Variants in PTPRD observed in about 807,000 individuals in gnomAD.
PTPRD encodes the protein protein tyrosine phosphatase receptor type D.
PTPRD carries 34 observed loss-of-function variants against 214.5 expected under a neutral mutation model. That is an observed-to-expected ratio of 0.16 (90% confidence interval 0.12 to 0.21). PTPRD has a LOEUF of 0.21. Ranked by LOEUF, PTPRD falls within the 10% of genes least tolerant of loss-of-function variation. The pLI, the probability that PTPRD is intolerant of heterozygous loss-of-function variation, is 1.00. For synonymous variants in PTPRD, 1,128 were observed against 845.7 expected, an observed-to-expected ratio of 1.33 and a Z score of -5.79; for missense variants, 2,545 against 2,398.7, an observed-to-expected ratio of 1.06 and a Z score of -1.27.
chr9:9,556,494 A>G (rs1373396656), intron 8 of PTPRD, among the ~76,000 whole-genome samples: 1 of 152,228 alleles, frequency 6.6e-6, no homozygotes, highest in Non-Finnish European at 1.5e-5. Context: ...AGTCATAAAT[A>G]GATTGTAAAT....
chr9:9,127,827 T>C (rs2099836438), intron 10 of PTPRD, among the ~76,000 whole-genome samples: 1 of 152,184 alleles, frequency 6.6e-6, no homozygotes, highest in Non-Finnish European at 1.5e-5. Context: ...AGGTGATGCC[T>C]ACAGACAGGA....
chr9:9,878,173 T>C (rs973012509), intron 5 of PTPRD, among the ~76,000 whole-genome samples: 1 of 152,090 alleles, frequency 6.6e-6, no homozygotes, highest in Admixed American at 6.6e-5. Flanking sequence ...CTTAATTTTA[T>C]TGAAATATAC....
At position 8,983,189 on chromosome 9, in the gene PTPRD, C is replaced by T. The variant is rs530397091; in HGVS notation, c.-104+35508G>A. Among the ~76,000 whole-genome samples, 7 of 151,896 alleles carry T rather than the reference C, an allele frequency of 4.6e-5. No individual in the cohort carries two copies. In the South Asian group the frequency reaches 1.5e-3, roughly 32 times the overall value. ...TGTGATTAGCAATAATTAGAATGGC[C>T]AAAATTAACCTACCTGGATGTGAAT... is the stretch of plus-strand genomic sequence containing the variant. On this transcript the variant is annotated intron_variant, in intron 11 of 45. Transcript: ENST00000381196.
At chr9:10,152,941 C>T (rs1173876544) in intron 3 of PTPRD, among the ~76,000 whole-genome samples, 1 of 152,064 alleles carries the variant, frequency 6.6e-6, no homozygotes, top group East Asian at 1.9e-4. Context: ...ACTACATGAG[C>T]TCACATATCT....
At chr9:9,426,015 C>G (rs1352444075) in intron 8 of PTPRD, among the ~76,000 whole-genome samples, 1 of 152,048 alleles carries the variant, frequency 6.6e-6, no homozygotes, top group Non-Finnish European at 1.5e-5. Context: ...GCATTTCCAA[C>G]TGAGGTACCA....
At chr9:9,687,928 G>C (rs2097194531) in intron 7 of PTPRD, among the ~76,000 whole-genome samples, 2 of 151,820 alleles carry the variant, frequency 1.3e-5, no homozygotes, top group Non-Finnish European at 2.9e-5. Context: ...AGAACCTGGT[G>C]GGAGGTGATT....
chr9:9,097,354 C>T (rs963158941), intron 10 of PTPRD, among the ~76,000 whole-genome samples: 3 of 151,258 alleles, frequency 2.0e-5, no homozygotes, highest in Non-Finnish European at 2.9e-5. Flanking sequence ...AAGCTAAGGA[C>T]TGGAGGAAGG....
intron 5 of PTPRD, among the ~76,000 whole-genome samples, chr9:9,935,496 A>T (rs1354297476): frequency 6.6e-6 from 1 of 151,934 alleles, no homozygotes. Flanking sequence ...AGAGAATAAA[A>T]TACCTAGGAA....
chr9:10,288,579 C>T lies in PTPRD; in HGVS notation c.-545+52384G>A, dbSNP rs1162001249. 2.0e-5 allele frequency among the ~76,000 whole-genome samples: 3 copies of T among 152,272 alleles called. No homozygotes were observed. In the East Asian group the frequency reaches 5.8e-4, roughly 29 times the overall value. On this transcript the variant is annotated intron_variant, in intron 3 of 45. Transcript: ENST00000381196. ...AAATAAAATATGATGCACGCAAATG[C>T]AGGATCCTCTAGAGGCCAGGAAAGA... is the stretch of plus-strand genomic sequence containing the variant.
rs537837341 is a variant in PTPRD at position 9,786,326 on chromosome 9, G to A, written c.-367-19475C>T. On this transcript the variant is annotated intron_variant, in intron 5 of 45. Transcript: ENST00000381196. Reference sequence around the variant, plus strand: ...TATTTTGAGAATTATTGATACATTTGCATGCATTTCATGGTTATATTCATG... The same window carrying A: ...TATTTTGAGAATTATTGATACATTTACATGCATTTCATGGTTATATTCATG... 1.5e-3 allele frequency among the ~76,000 whole-genome samples: 221 copies of A among 152,252 alleles called. 2 individuals are homozygous for A. Among genetic ancestry groups the A allele is most frequent in the Non-Finnish European group, 2.4e-3 (164 of 68,024 alleles).
chr9:8,807,027 C>G (rs974587383), intron 11 of PTPRD, among the ~76,000 whole-genome samples: 3 of 152,108 alleles, frequency 2.0e-5, no homozygotes, highest in Non-Finnish European at 2.9e-5. Context: ...AAGAGAATAG[C>G]TGCTGATACT....
intron 12 of PTPRD, among the ~76,000 whole-genome samples, chr9:8,712,534 C>G (rs1801303593): frequency 6.6e-6 from 1 of 151,716 alleles, no homozygotes; most frequent in African/African-American, 2.4e-5. Context: ...GATACTGCCT[C>G]CAGGATCCAG....
intron 9 of PTPRD, among the ~76,000 whole-genome samples, chr9:9,366,667 T>G (rs1368826528): frequency 1.3e-5 from 2 of 151,524 alleles, no homozygotes; most frequent in African/African-American, 2.4e-5. Context: ...CCAGTTACAT[T>G]TCTTATTTGA....
At chr9:9,305,883 G>A (rs1039428650) in intron 9 of PTPRD, among the ~76,000 whole-genome samples, 4 of 152,116 alleles carry the variant, frequency 2.6e-5, no homozygotes, top group Admixed American at 6.6e-5. Context: ...GAGGCAGGAA[G>A]AATTTTTTTC....
chr9:8,876,224 G>GTGT lies in PTPRD; in HGVS notation c.-103-142281_-103-142279dup, dbSNP rs5896271. ...AGAGCCTATCTGAGTATGTGTGTGT[G>GTGT]TGTTGTTGTTGTTGTTGTTTAAACA... On this transcript the variant is annotated intron_variant, in intron 11 of 45. Transcript: ENST00000381196. Among the ~76,000 whole-genome samples the GTGT allele has an allele frequency of 4.8e-3, 723 of 151,074 alleles. 16 individuals are homozygous for GTGT. The highest frequency in any genetic ancestry group is 0.044 in the Admixed American group (673 of 15,200).
chr9:9,160,925 C>T (rs1175137672), intron 10 of PTPRD, among the ~76,000 whole-genome samples: 3 of 152,122 alleles, frequency 2.0e-5, no homozygotes, highest in African/African-American at 7.2e-5. Flanking sequence ...AAACCAGGCA[C>T]AGAAAGACAA....
chr9:8,587,544 C>A (rs1248163279), intron 14 of PTPRD, among the ~76,000 whole-genome samples: 1 of 152,176 alleles, frequency 6.6e-6, no homozygotes, highest in South Asian at 2.1e-4. Context: ...TAAAATATAA[C>A]CTTCTATATA....
intron 9 of PTPRD, among the ~76,000 whole-genome samples, chr9:9,251,700 G>A (rs2099975541): frequency 6.6e-6 from 1 of 151,968 alleles, no homozygotes; most frequent in South Asian, 2.1e-4. Context: ...CTTCATTTGT[G>A]TCCTGGATAA....
intron 2 of PTPRD, among the ~76,000 whole-genome samples, chr9:10,380,050 G>A (rs921938828): frequency 6.6e-6 from 1 of 152,030 alleles, no homozygotes; most frequent in South Asian, 2.1e-4. Flanking sequence ...AGCTGGAAAT[G>A]CTGGCCTCAA....
Sources: gnomAD v4.1 joint callset for allele counts (sites outside exome capture counted in the v4.1 genomes callset) on GRCh38, gnomAD v4.1.1 for gene constraint, MANE v1.5 for transcripts, NCBI Gene and HGNC (gene_info 2026-07-23, HGNC 2026-07-21) for gene names.